NAALADL2: variants seen among roughly 807,000 people sequenced by gnomAD.
NAALADL2 encodes N-acetylated alpha-linked acidic dipeptidase like 2, also known as inactive N-acetylated-alpha-linked acidic dipeptidase-like protein 2.
Under a neutral mutation model 87.2 loss-of-function variants are expected in NAALADL2, and 76 were observed. That is an observed-to-expected ratio of 0.87 (90% CI 0.72 to 1.05). The LOEUF is 1.05. NAALADL2 is among the 50% of genes least tolerant of loss of function. The pLI, the probability that NAALADL2 is intolerant of heterozygous loss-of-function variation, is 0.00. For synonymous variants in NAALADL2, 354 were observed against 331.0 expected (o/e 1.07, Z -0.75); for missense variants, 1,089 against 945.8 (o/e 1.15, Z -1.99).
chr3:174,997,388 C>T (rs1334900101), intron 1 of NAALADL2, among the ~76,000 whole-genome samples: 3 of 151,896 alleles, frequency 2.0e-5, no homozygotes, highest in Non-Finnish European at 4.4e-5. Flanking sequence ...GAGTTCATTC[C>T]AAGGTCTTTT....
chr3:175,640,119 G>T (rs747815236), intron 11 of NAALADL2, among the ~76,000 whole-genome samples: 1 of 152,128 alleles, frequency 6.6e-6, no homozygotes, highest in Non-Finnish European at 1.5e-5. Context: ...AAAGGTTATT[G>T]CTTTTTTGTA....
chr3:175,159,527 A>G (rs996919209), intron 2 of NAALADL2, among the ~76,000 whole-genome samples: 4 of 152,186 alleles, frequency 2.6e-5, no homozygotes, highest in African/African-American at 9.7e-5. Context: ...GAAGTGAAAT[A>G]ATTTTGTAAT....
chr3:175,143,323 A>G (rs576658531), intron 2 of NAALADL2, among the ~76,000 whole-genome samples: 1 of 152,056 alleles, frequency 6.6e-6, no homozygotes, highest in South Asian at 2.1e-4. Flanking sequence ...GCAGTGATAT[A>G]TGCTAGGCAA....
chr3:175,070,215 A>G (rs927613796), intron 1 of NAALADL2, among the ~76,000 whole-genome samples: 1 of 151,762 alleles, frequency 6.6e-6, no homozygotes. Context: ...ACAATAAAAA[A>G]TCTTAAATCT....
intron 1 of NAALADL2, among the ~76,000 whole-genome samples, chr3:174,908,413 A>T (rs1733248298): frequency 6.6e-6 from 1 of 152,080 alleles, no homozygotes; most frequent in Non-Finnish European, 1.5e-5. Flanking sequence ...TTAAAATGTC[A>T]GTGCTGTATA....
chr3:174,641,765 T>C (rs1723211549), intron 2 of NAALADL2, among the ~76,000 whole-genome samples: 1 of 152,168 alleles, frequency 6.6e-6, no homozygotes, highest in Non-Finnish European at 1.5e-5. Flanking sequence ...TCAGAAATTT[T>C]TTTTTGTAGA....
chr3:175,742,156 C>A (rs1745307726), intron 12 of NAALADL2, among the ~76,000 whole-genome samples: 1 of 152,118 alleles, frequency 6.6e-6, no homozygotes, highest in African/African-American at 2.4e-5. Flanking sequence ...AGAGGGATGA[C>A]TAAGTTCTGT....
At chr3:175,237,460 A>G (rs577054386) in intron 3 of NAALADL2, among the ~76,000 whole-genome samples, 1 of 152,146 alleles carries the variant, frequency 6.6e-6, no homozygotes, top group Non-Finnish European at 1.5e-5. Flanking sequence ...GTGAATTCGC[A>G]GGATACCGAT....
intron 2 of NAALADL2, among the ~76,000 whole-genome samples, chr3:175,203,305 C>G (rs143551063): frequency 5.9e-5 from 9 of 152,228 alleles, no homozygotes; most frequent in African/African-American, 2.2e-4. Flanking sequence ...TAGCGAGCTC[C>G]CAGGGTCCTT....
chr3:175,365,193 T>G (rs1199244184), intron 5 of NAALADL2, among the ~76,000 whole-genome samples: 1 of 147,512 alleles, frequency 6.8e-6, no homozygotes, highest in East Asian at 2.0e-4. Flanking sequence ...GTAAACATTT[T>G]CAATAAGTCT....
In NAALADL2 at chr3:175,229,048, G is replaced by A. The variant is rs879363181; in HGVS notation, c.546-4883G>A. On this transcript the variant is annotated intron_variant, in intron 2 of 13. Transcript: ENST00000454872. ...ATACAATTGTCTTAATAAATGTATCGGAATTTCTGACAAAATTTAATATGC... is the reference window on the plus strand; with the variant it reads ...ATACAATTGTCTTAATAAATGTATCAGAATTTCTGACAAAATTTAATATGC... Among the ~76,000 whole-genome samples the A allele has an allele frequency of 7.9e-5, 12 of 151,742 alleles. No individual in the cohort carries two copies. The South Asian group carries it at 1.0e-3, about 13-fold the overall frequency.
intron 1 of NAALADL2, among the ~76,000 whole-genome samples, chr3:175,010,472 C>T (rs1308841066): frequency 1.3e-5 from 2 of 152,128 alleles, no homozygotes; most frequent in African/African-American, 4.8e-5. Flanking sequence ...TTCTGTGTTA[C>T]TGCTTCCAAA....
intron 1 of NAALADL2, among the ~76,000 whole-genome samples, chr3:174,948,365 C>T (rs183006503): frequency 1.3e-3 from 199 of 152,064 alleles, no homozygotes; most frequent in African/African-American, 4.4e-3. Flanking sequence ...TTAGTAGAGA[C>T]GGGGTTTCAC....
chr3:175,069,775 A>G (rs1279312441), intron 1 of NAALADL2, among the ~76,000 whole-genome samples: 3 of 151,922 alleles, frequency 2.0e-5, no homozygotes, highest in South Asian at 2.1e-4. Flanking sequence ...ATGTCCAACA[A>G]TGATAGACTG....
intron 1 of NAALADL2, among the ~76,000 whole-genome samples, chr3:174,953,232 C>A (rs1428206182): frequency 6.8e-6 from 1 of 147,546 alleles, no homozygotes; most frequent in East Asian, 2.1e-4. Context: ...TACATGGGCT[C>A]CTGGTTAAAA....
rs78457765 is a variant in NAALADL2, at chr3:175,351,589, G to A, written c.1090+27264G>A. On this transcript the variant is annotated intron_variant, in intron 5 of 13. Coordinates refer to ENST00000454872, the MANE Select transcript of NAALADL2 (RefSeq NM_207015.3). ...TGAATGTAAGGTATGAGGAAGGAAC[G>A]TATAGACAACACTGACTGCAGTAGG... Among the ~76,000 whole-genome samples, 516 of 152,188 alleles carry A rather than the reference G, an allele frequency of 3.4e-3. 4 individuals are homozygous for A. Among genetic ancestry groups the A allele is most frequent in the African/African-American group, 0.012 (497 of 41,532 alleles).
intron 9 of NAALADL2, among the ~76,000 whole-genome samples, chr3:175,573,808 A>T (rs968785225): frequency 9.2e-5 from 14 of 152,190 alleles, no homozygotes; most frequent in Admixed American, 7.9e-4. Flanking sequence ...TTTGAAAAGA[A>T]GCAAATTGCT....
intron 3 of NAALADL2, among the ~76,000 whole-genome samples, chr3:174,776,266 A>C (rs545089626): frequency 1.9e-4 from 29 of 152,160 alleles, no homozygotes; most frequent in African/African-American, 7.0e-4. Context: ...AAAATGCATG[A>C]AAATTGGCCT....
At chr3:175,018,537 T>C (rs73032333) in intron 1 of NAALADL2, among the ~76,000 whole-genome samples, 7,447 of 152,148 alleles carry the variant, frequency 0.049, 591 homozygotes, top group African/African-American at 0.16. Flanking sequence ...GGGAAATACT[T>C]GCTGGTTGAT....
Sources: gnomAD v4.1 joint callset for allele counts (sites outside exome capture counted in the v4.1 genomes callset) on GRCh38, gnomAD v4.1.1 for gene constraint, MANE v1.5 for transcripts, NCBI Gene and HGNC (gene_info 2026-07-23, HGNC 2026-07-21) for gene names.